The following ARHGAP5 variants were observed in gnomAD, a reference collection of about 807,000 sequenced individuals.
The protein encoded by ARHGAP5 is rho GTPase-activating protein 5.
A neutral mutation model predicts 116.6 loss-of-function variants in ARHGAP5; 23 were observed. The ratio of observed to expected loss-of-function variants is 0.20; its 90% CI spans 0.14 to 0.28. The LOEUF (loss-of-function observed/expected upper bound fraction) is 0.28, where lower values mean the gene tolerates loss of function less well. ARHGAP5 is among the 10% of genes least tolerant of loss of function. The pLI, the probability that ARHGAP5 is intolerant of heterozygous loss-of-function variation, is 1.00. For missense variants in ARHGAP5, 1,405 were observed against 1,774.8 expected, an observed-to-expected ratio of 0.79 and a Z score of 3.74; for synonymous variants, 574 against 602.0, an observed-to-expected ratio of 0.95 and a Z score of 0.68.
At chr14:32,086,805 A>T (rs1167372029) in intron 1 of ARHGAP5, among the ~76,000 whole-genome samples, 27 of 151,896 alleles carry the variant, frequency 1.8e-4, no homozygotes, top group Non-Finnish European at 2.9e-5. Flanking sequence ...ACACAATTTT[A>T]ATTTCTATAA....
intron 6 of ARHGAP5, among the ~76,000 whole-genome samples, chr14:32,152,769 T>C (rs1220215292): frequency 6.6e-6 from 1 of 152,162 alleles, no homozygotes; most frequent in Non-Finnish European, 1.5e-5. Flanking sequence ...CTGTAAAATC[T>C]TAGAATTTTA....
intron 2 of ARHGAP5, among the ~76,000 whole-genome samples, chr14:32,107,688 A>C (rs1879079921): frequency 6.6e-6 from 1 of 152,244 alleles, no homozygotes; most frequent in South Asian, 2.1e-4. Flanking sequence ...AGATTTACTA[A>C]GATAGCAAAG....
At chr14:32,079,544 C>T (rs2041751347) in intron 1 of ARHGAP5, among the ~76,000 whole-genome samples, 1 of 152,076 alleles carries the variant, frequency 6.6e-6, no homozygotes, top group African/African-American at 2.4e-5. Context: ...GTTATTTTGA[C>T]CTTGAAAGTT....
chr14:32,125,976 G>A (rs928495700), intron 3 of ARHGAP5, among the ~76,000 whole-genome samples: 6 of 151,962 alleles, frequency 3.9e-5, no homozygotes, highest in African/African-American at 1.4e-4. Flanking sequence ...CTGAAATTTT[G>A]CCAAATTATT....
At chr14:32,138,329 G>C (rs1048704786) in intron 3 of ARHGAP5, among the ~76,000 whole-genome samples, 1 of 152,210 alleles carries the variant, frequency 6.6e-6, no homozygotes, top group African/African-American at 2.4e-5. Flanking sequence ...CTGTTGCCCA[G>C]GCTGGAGTGC....
In ARHGAP5 at chr14:32,091,823, C is replaced by G. The variant is rs1878263719; in HGVS notation, c.1154C>G (p.Pro385Arg). 2 of 1,613,372 alleles carry G rather than the reference C, an allele frequency of 1.2e-6. No individual in the cohort carries two copies. The highest frequency in any genetic ancestry group is 1.7e-6 in the Non-Finnish European group (2 of 1,179,628). ...QLCFVVLEKT[P>R]WDETDHIDKI... ...TGTTTTGTGGTGCTAGAAAAAACTC[C>G]TTGGGATGAAACTGACCATATAGAC... Residue 385 changes from proline to arginine, a missense_variant, in exon 2 of 7, where the codon CCT (proline) becomes CGT (arginine). Physicochemically the swap from Pro to Arg is moderately radical, Grantham distance 103. Coordinates refer to ENST00000345122, the MANE Select transcript of ARHGAP5 (RefSeq NM_001030055.2).
At chr14:32,137,707 T>C (rs1045040607) in intron 3 of ARHGAP5, among the ~76,000 whole-genome samples, 1 of 152,104 alleles carries the variant, frequency 6.6e-6, no homozygotes, top group African/African-American at 2.4e-5. Flanking sequence ...GTGGGGTGGC[T>C]CACGCCTGTA....
chr14:32,106,637 A>G (rs988339285), intron 2 of ARHGAP5, among the ~76,000 whole-genome samples: 6 of 152,132 alleles, frequency 3.9e-5, no homozygotes, highest in East Asian at 3.8e-4. Flanking sequence ...CCTCTGTATA[A>G]AGTTCCAAAT....
At chr14:32,100,222 A>G (rs1046860114) in intron 2 of ARHGAP5, among the ~76,000 whole-genome samples, 3 of 152,190 alleles carry the variant, frequency 2.0e-5, no homozygotes, top group African/African-American at 7.2e-5. Flanking sequence ...TATTTATGAG[A>G]TGTAATCTTG....
At chr14:32,109,434 T>C (rs1169858031) in intron 2 of ARHGAP5, among the ~76,000 whole-genome samples, 1 of 152,146 alleles carries the variant, frequency 6.6e-6, no homozygotes, top group Non-Finnish European at 1.5e-5. Context: ...TGCAGTAGTG[T>C]AATTATATTA....
chr14:32,092,953 G>A lies in ARHGAP5; in HGVS notation c.2284G>A (p.Asp762Asn), dbSNP rs1189047597. ...GVLESVKHNLDVVSPIPANKD... is the reference protein window; with the variant it reads ...GVLESVKHNLNVVSPIPANKD... ...ATTGGAATCAGTTAAACACAATTTG[G>A]ATGTGGTGAGCCCAATTCCTGCCAA... Residue 762 changes from aspartate (D) to asparagine (N), a missense_variant, in exon 2 of 7, where the codon GAT becomes AAT. Physicochemically the swap from Asp to Asn is conservative, Grantham distance 23. Around this residue, in one of 6 missense-constraint regions of ARHGAP5, gnomAD observed 944 missense variants for 1,095.3 expected, o/e 0.86. Transcript: ENST00000345122. This position sits in a 1 kb window ranked among gnomAD's most constrained non-coding sequence, Gnocchi z 4.1. The A allele has an allele frequency of 6.2e-7, 1 of 1,614,008 alleles. No homozygotes were observed. The highest frequency in any genetic ancestry group is 2.2e-5 in the East Asian group (1 of 44,880).
At chr14:32,084,102 A>G (rs1362547790) in intron 1 of ARHGAP5, among the ~76,000 whole-genome samples, 2 of 152,222 alleles carry the variant, frequency 1.3e-5, no homozygotes, top group African/African-American at 4.8e-5. Context: ...ATGTTATCAG[A>G]GTAGGGTGTA....
chr14:32,139,965 TAAC>T (rs1488915634), intron 3 of ARHGAP5, among the ~76,000 whole-genome samples: 1 of 150,544 alleles, frequency 6.6e-6, no homozygotes, highest in South Asian at 2.1e-4. Context: ...CAGACATTGC[TAAC>T]AATAGGATAA....
At chr14:32,078,172 G>C (rs1216798777) in intron 1 of ARHGAP5, 1 of 152,022 alleles carries the variant, frequency 6.6e-6, no homozygotes, top group Non-Finnish European at 1.5e-5. Context: ...GTGGGGAGCC[G>C]CGCGGGAGCG....
chr14:32,122,261 A>G (rs1191034590), intron 3 of ARHGAP5, among the ~76,000 whole-genome samples: 2 of 152,316 alleles, frequency 1.3e-5, no homozygotes, highest in Middle Eastern at 3.4e-3. Context: ...CATTTCCCTG[A>G]TGACTAATGA....
At chr14:32,109,300 AAAAG>A (rs1447104413) in intron 2 of ARHGAP5, among the ~76,000 whole-genome samples, 3 of 151,988 alleles carry the variant, frequency 2.0e-5, no homozygotes, top group Non-Finnish European at 4.4e-5. Context: ...AGCAAAGAAA[AAAAG>A]AAAAAGGAAG....
At chr14:32,153,755 T>G (rs115707757) in intron 6 of ARHGAP5, among the ~76,000 whole-genome samples, 5,482 of 151,956 alleles carry the variant, frequency 0.036, 340 homozygotes, top group African/African-American at 0.12. Context: ...ACAGGCGTGA[T>G]CTACCGCACC....
Position 32,091,320 on chromosome 14 carries a change from A to G in ARHGAP5, c.651A>G (p.Ser217=). 1 of 1,613,622 alleles carries G rather than the reference A, an allele frequency of 6.2e-7. No individual in the cohort carries two copies. The highest frequency in any genetic ancestry group is 8.5e-7 in the Non-Finnish European group (1 of 1,179,682). The change falls in exon 2 of 7, where the codon TCA becomes TCG. Residue 217 remains serine, a synonymous_variant. Transcript: ENST00000345122. ...TTAGAGAAGTTCAGGCATTTGCTTC[A>G]AATAAAAAGAACCTTCTTGTAGTGG... The part of the protein sequence containing the change: ...HYLREVQAFA[S]NKKNLLVVET...
At chr14:32,100,522 C>T (rs1002668317) in intron 2 of ARHGAP5, among the ~76,000 whole-genome samples, 1 of 152,082 alleles carries the variant, frequency 6.6e-6, no homozygotes, top group Non-Finnish European at 1.5e-5. Context: ...TAAAAAACAG[C>T]GTAGCAACTG....
Sources: allele counts gnomAD v4.1 joint callset (sites outside exome capture counted in the v4.1 genomes callset), GRCh38; gene constraint gnomAD v4.1.1; regional missense constraint gnomAD v4.1.1; non-coding constraint Gnocchi (gnomAD v3.1); transcripts MANE v1.5; gene names NCBI Gene and HGNC (gene_info 2026-07-23, HGNC 2026-07-21).